EYA2: variants seen among roughly 807,000 people sequenced by gnomAD.
The protein encoded by EYA2 is EYA transcriptional coactivator and phosphatase 2.
In EYA2, 31 loss-of-function variants were observed where a neutral mutation model predicts 69.2. The observed-to-expected ratio is 0.45, with a 90% confidence interval of 0.34 to 0.60. EYA2 has a LOEUF of 0.60. Among genes scored for constraint, EYA2 ranks in the 20% least tolerant of loss-of-function variants. EYA2 has a pLI of 0.02. For synonymous variants in EYA2, 257 were observed against 279.4 expected (o/e 0.92, Z 0.80); for missense variants, 622 against 701.2 (o/e 0.89, Z 1.28).
At chr20:47,012,691 G>A (rs376546238) in intron 4 of EYA2, among the ~76,000 whole-genome samples, 4 of 152,024 alleles carry the variant, frequency 2.6e-5, no homozygotes, top group African/African-American at 4.8e-5. Flanking sequence ...ACAGGGTTTC[G>A]CCATGTTAGC....
chr20:47,159,019 A>T (rs374338325), intron 10 of EYA2, among the ~76,000 whole-genome samples: 3 of 152,168 alleles, frequency 2.0e-5, no homozygotes, highest in East Asian at 3.9e-4. Flanking sequence ...GCTGATGTAG[A>T]TAAATGATTG....
At chr20:47,154,518 G>T (rs1188663009) in intron 10 of EYA2, among the ~76,000 whole-genome samples, 1 of 152,008 alleles carries the variant, frequency 6.6e-6, no homozygotes, top group Non-Finnish European at 1.5e-5. Flanking sequence ...GACCCAGGTG[G>T]CCTGGCTCCA....
intron 2 of EYA2, among the ~76,000 whole-genome samples, chr20:46,996,810 G>T (rs1982049872): frequency 6.6e-6 from 1 of 152,114 alleles, no homozygotes; most frequent in African/African-American, 2.4e-5. Context: ...TTACAGTCAT[G>T]GTGGAAGGCG....
At chr20:46,931,000 A>T (rs1471617177) in intron 1 of EYA2, among the ~76,000 whole-genome samples, 1 of 152,160 alleles carries the variant, frequency 6.6e-6, no homozygotes, top group African/African-American at 2.4e-5. Flanking sequence ...ATTAGGTGCC[A>T]GTGTGATAAC....
intron 1 of EYA2, among the ~76,000 whole-genome samples, chr20:46,947,904 G>C (rs899495615): frequency 6.6e-6 from 1 of 152,094 alleles, no homozygotes; most frequent in African/African-American, 2.4e-5. Context: ...ATCTCTTAAA[G>C]CTAGGAGTTC....
At position 47,188,217 on chromosome 20, in the gene EYA2, C is replaced by CAGAT. The variant is rs1475156919; in HGVS notation, c.*85_*88dup. 1.5e-6 allele frequency: 2 copies of CAGAT among 1,367,276 alleles called. No individual in the cohort carries two copies. The highest frequency in any genetic ancestry group is 2.0e-6 in the Non-Finnish European group (2 of 993,072). 84.7% of individuals were successfully genotyped at this position (1,367,276 alleles called of 1,614,324 possible). A position where few individuals can be genotyped will look rare whatever the true frequency, so the allele number is the denominator to read the frequency against. On this transcript the variant is annotated 3_prime_UTR_variant, in exon 16 of 16. Transcript: ENST00000327619. ...CTCCCCACCGAGAACTCCAGAGACC[C>CAGAT]AGATGTTGGACACCAGGAAGGGGCC...
chr20:46,949,937 G>A (rs537093069), intron 1 of EYA2, among the ~76,000 whole-genome samples: 20 of 152,218 alleles, frequency 1.3e-4, no homozygotes, highest in Non-Finnish European at 2.4e-4. Flanking sequence ...TTGCATCTAT[G>A]ATGCACAAGG....
chr20:47,116,994 A>AT (rs11482114), intron 9 of EYA2, among the ~76,000 whole-genome samples: 52,157 of 116,854 alleles, frequency 0.45, 13,088 homozygotes, highest in Non-Finnish European at 0.52. Context: ...ATGCATCTGC[A>AT]TTTTTTTTTT....
At chr20:47,014,322 A>G (rs1326775892) in intron 4 of EYA2, among the ~76,000 whole-genome samples, 1 of 152,224 alleles carries the variant, frequency 6.6e-6, no homozygotes, top group African/African-American at 2.4e-5. Context: ...ACAGGATAAG[A>G]AGGAGGAAAT....
chr20:46,913,849 G>C (rs1984766132), intron 1 of EYA2, among the ~76,000 whole-genome samples: 1 of 152,150 alleles, frequency 6.6e-6, no homozygotes, highest in African/African-American at 2.4e-5. Context: ...GTGTGGACCT[G>C]GCATTGAGCC....
chr20:47,180,850 A>G lies in EYA2; in HGVS notation c.1349A>G (p.Gln450Arg). Residue 450 changes from glutamine to arginine, a missense_variant, in exon 14 of 16, where the codon CAA (glutamine) becomes CGA (arginine). Physicochemically the swap from Gln to Arg is conservative, Grantham distance 43. Coordinates refer to ENST00000327619, the MANE Select transcript of EYA2 (RefSeq NM_005244.5). ...GTCAATGTGCTGGTCACCACCACTC[A>G]ACTAATTCCTGCCCTGGCCAAAGTC... ...NCVNVLVTTT[Q>R]LIPALAKVLL... is the part of the protein sequence containing the mutation. The G allele has an allele frequency of 6.2e-7, 1 of 1,614,194 alleles. No homozygotes were observed. The highest frequency in any genetic ancestry group is 8.5e-7 in the Non-Finnish European group (1 of 1,180,036).
chr20:46,956,124 TGTTTA>T (rs752410660), intron 1 of EYA2, among the ~76,000 whole-genome samples: 5 of 152,190 alleles, frequency 3.3e-5, no homozygotes, highest in South Asian at 2.1e-4. Flanking sequence ...TCAGGTTTGG[TGTTTA>T]GTTTGGTTTA....
At chr20:46,909,077 G>C (rs1016165485) in intron 1 of EYA2, among the ~76,000 whole-genome samples, 10 of 151,816 alleles carry the variant, frequency 6.6e-5, no homozygotes, top group African/African-American at 2.4e-4. Context: ...TCATCATGGG[G>C]AAAGGCAAGA....
At chr20:47,121,623 C>T (rs547932653) in intron 9 of EYA2, among the ~76,000 whole-genome samples, 3 of 152,192 alleles carry the variant, frequency 2.0e-5, no homozygotes, top group Admixed American at 2.0e-4. Context: ...TTTGAGACCA[C>T]CCTGGACAAC....
intron 9 of EYA2, among the ~76,000 whole-genome samples, chr20:47,099,199 C>T (rs1028577013): frequency 9.8e-5 from 15 of 152,320 alleles, no homozygotes; most frequent in African/African-American, 3.6e-4. Flanking sequence ...TTCCATTAAG[C>T]GTTGAAGGCT....
At chr20:47,170,641 C>T (rs1422910106) in intron 11 of EYA2, among the ~76,000 whole-genome samples, 3 of 146,460 alleles carry the variant, frequency 2.0e-5, no homozygotes, top group Non-Finnish European at 3.0e-5. Flanking sequence ...AGCGAGACTC[C>T]GTCTCAAAAA....
chr20:47,015,939 CT>C (rs1983381620), intron 4 of EYA2, among the ~76,000 whole-genome samples: 1 of 152,224 alleles, frequency 6.6e-6, no homozygotes, highest in African/African-American at 2.4e-5. Flanking sequence ...GTAAGTCCAG[CT>C]TTTTGTATGA....
chr20:47,034,257 A>C (rs1364932786), intron 5 of EYA2, among the ~76,000 whole-genome samples: 1 of 152,274 alleles, frequency 6.6e-6, no homozygotes, highest in Non-Finnish European at 1.5e-5. Context: ...GTAATAATAT[A>C]AAGTCTTCTC....
intron 7 of EYA2, among the ~76,000 whole-genome samples, chr20:47,083,452 C>A (rs1052355705): frequency 6.6e-6 from 1 of 151,922 alleles, no homozygotes; most frequent in Admixed American, 6.6e-5. Context: ...GTGGCGCACA[C>A]CTGTAATCCC....
Sources: allele counts gnomAD v4.1 joint callset (sites outside exome capture counted in the v4.1 genomes callset), GRCh38; gene constraint gnomAD v4.1.1; transcripts MANE v1.5; gene names NCBI Gene and HGNC (gene_info 2026-07-23, HGNC 2026-07-21).